NALCN: variants seen among roughly 807,000 people sequenced by gnomAD.
NALCN encodes the protein sodium leak channel NALCN.
NALCN carries 111 observed loss-of-function variants against 225.3 expected under a neutral mutation model. The ratio of observed to expected loss-of-function variants is 0.49; its 90% CI spans 0.42 to 0.58. NALCN has a LOEUF of 0.58. NALCN is among the 20% of genes least tolerant of loss of function. The pLI, the probability that NALCN is intolerant of heterozygous loss-of-function variation, is 0.00. For synonymous variants in NALCN, 764 were observed against 769.0 expected (o/e 0.99, Z 0.11); for missense variants, 1,378 against 2,202.4 (o/e 0.63, Z 7.49).
At chr13:101,149,410 A>C (rs968714334) in intron 15 of NALCN, among the ~76,000 whole-genome samples, 3 of 152,208 alleles carry the variant, frequency 2.0e-5, no homozygotes, top group African/African-American at 7.2e-5. Flanking sequence ...CCTTGTTTAC[A>C]CATTTTAAAA....
At chr13:101,359,970 T>C (rs991390324) in intron 6 of NALCN, among the ~76,000 whole-genome samples, 2 of 152,152 alleles carry the variant, frequency 1.3e-5, no homozygotes, top group African/African-American at 4.8e-5. Context: ...CTGAAAAATA[T>C]ACAGAACTCA....
At chr13:101,231,793 G>T (rs936658652) in intron 12 of NALCN, among the ~76,000 whole-genome samples, 6 of 152,034 alleles carry the variant, frequency 3.9e-5, no homozygotes, top group African/African-American at 1.2e-4. Context: ...AATAACATTT[G>T]TTTCTTTTTG....
chr13:101,404,429 A>C (rs1003553736), intron 1 of NALCN, among the ~76,000 whole-genome samples: 4 of 152,254 alleles, frequency 2.6e-5, no homozygotes, highest in African/African-American at 9.6e-5. Context: ...TAGAAAAATT[A>C]GAAAAACTAT....
chr13:101,384,216 A>G (rs913403768), intron 3 of NALCN, among the ~76,000 whole-genome samples: 1 of 152,160 alleles, frequency 6.6e-6, no homozygotes, highest in African/African-American at 2.4e-5. Flanking sequence ...GTGGTACTCA[A>G]GATATTTTAA....
At chr13:101,407,235 T>G (rs562697678) in intron 1 of NALCN, among the ~76,000 whole-genome samples, 30 of 152,290 alleles carry the variant, frequency 2.0e-4, no homozygotes, top group African/African-American at 6.5e-4. Flanking sequence ...AAAAAGAACA[T>G]CTACTCTATA....
At chr13:101,269,083 G>C (rs557257515) in intron 10 of NALCN, among the ~76,000 whole-genome samples, 14 of 152,132 alleles carry the variant, frequency 9.2e-5, no homozygotes, top group African/African-American at 3.4e-4. Context: ...TAAAATCTTG[G>C]CTTTTCAACA....
chr13:101,092,550 T>C (rs1028772458), intron 28 of NALCN, among the ~76,000 whole-genome samples: 3 of 152,204 alleles, frequency 2.0e-5, no homozygotes, highest in Admixed American at 1.3e-4. Context: ...GGCTAGTTCC[T>C]ATTGGTTGTC....
At chr13:101,311,638 T>C (rs979943933) in intron 7 of NALCN, among the ~76,000 whole-genome samples, 2 of 152,120 alleles carry the variant, frequency 1.3e-5, no homozygotes, top group Admixed American at 1.3e-4. Context: ...TTGTCTTTGG[T>C]TCTGTTTATA....
intron 30 of NALCN, among the ~76,000 whole-genome samples, chr13:101,086,424 TTTC>T (rs1191428458): frequency 6.6e-6 from 1 of 152,052 alleles, no homozygotes; most frequent in Admixed American, 6.5e-5. Flanking sequence ...TCTATTATAA[TTTC>T]TTCAACTCAT....
intron 39 of NALCN, among the ~76,000 whole-genome samples, chr13:101,066,871 C>A (rs1444558300): frequency 1.3e-5 from 2 of 152,100 alleles, no homozygotes; most frequent in Non-Finnish European, 2.9e-5. Context: ...GCCCCAAATA[C>A]CCTGGCAGAA....
chr13:101,335,250 A>G (rs955686061), intron 7 of NALCN, among the ~76,000 whole-genome samples: 1 of 152,146 alleles, frequency 6.6e-6, no homozygotes, highest in African/African-American at 2.4e-5. Context: ...CATGCCTGCA[A>G]TTTCTGCCTT....
intron 14 of NALCN, among the ~76,000 whole-genome samples, chr13:101,185,301 G>C (rs1190750470): frequency 6.6e-6 from 1 of 152,212 alleles, no homozygotes; most frequent in Non-Finnish European, 1.5e-5. Context: ...TCAGCAAGCT[G>C]CCACTACCGA....
intron 27 of NALCN, among the ~76,000 whole-genome samples, chr13:101,096,447 T>C (rs780860782): frequency 6.6e-6 from 1 of 152,186 alleles, no homozygotes; most frequent in Non-Finnish European, 1.5e-5. Flanking sequence ...GAAAATATTA[T>C]GCTAATTGAG....
chr13:101,153,001 CACACACACACTT>C (rs1439831823), intron 15 of NALCN, among the ~76,000 whole-genome samples: 2 of 152,056 alleles, frequency 1.3e-5, no homozygotes, highest in Non-Finnish European at 2.9e-5. Flanking sequence ...TCAGGATACA[CACACACACACTT>C]ACACACACAC....
At chr13:101,415,040 A>G (rs1026392012) in intron 1 of NALCN, among the ~76,000 whole-genome samples, 1 of 147,758 alleles carries the variant, frequency 6.8e-6, no homozygotes, top group Non-Finnish European at 1.5e-5. Flanking sequence ...CTCGTTGCAG[A>G]TGTTTGGGAA....
intron 13 of NALCN, among the ~76,000 whole-genome samples, chr13:101,225,489 A>G (rs1057478875): frequency 1.3e-5 from 2 of 152,178 alleles, no homozygotes; most frequent in Non-Finnish European, 2.9e-5. Context: ...GAGCAGGCAG[A>G]CTGGCCAACT....
intron 13 of NALCN, among the ~76,000 whole-genome samples, chr13:101,195,871 C>T (rs2039870327): frequency 6.6e-6 from 1 of 152,124 alleles, no homozygotes; most frequent in Non-Finnish European, 1.5e-5. Context: ...TTTCATTTTC[C>T]ATCTCGTGTC....
intron 18 of NALCN, chr13:101,116,606 G>A (rs1442409183): frequency 2.0e-6 from 1 of 502,740 alleles, no homozygotes; most frequent in Non-Finnish European, 3.9e-6. Flanking sequence ...TAATGAAAGG[G>A]AGAGGCCTAT....
chr13:101,083,319 T>C, intron 31 of NALCN, 121 bp from the exon 32 acceptor site: 1 of 832,732 alleles, frequency 1.2e-6, no homozygotes, highest in Non-Finnish European at 1.9e-6. Flanking sequence ...AACAGTTCCG[T>C]CTATTGTGAG....
Sources: gnomAD v4.1 joint callset for allele counts (sites outside exome capture counted in the v4.1 genomes callset) on GRCh38, gnomAD v4.1.1 for gene constraint, MANE v1.5 for transcripts, NCBI Gene and HGNC (gene_info 2026-07-23, HGNC 2026-07-21) for gene names.